Variants in KIAA0513 observed in about 807,000 individuals in gnomAD.
KIAA0513 encodes the protein uncharacterized protein KIAA0513.
KIAA0513 carries 39 observed loss-of-function variants against 56.5 expected under a neutral mutation model. The observed-to-expected ratio is 0.69, with a 90% confidence interval of 0.53 to 0.90. KIAA0513 has a LOEUF of 0.90. Ranked by LOEUF, KIAA0513 falls within the 40% of genes least tolerant of loss-of-function variation. The pLI is 0.00. For missense variants in KIAA0513, 591 were observed against 535.2 expected (o/e 1.10, Z -1.03); for synonymous variants, 268 against 215.6 (o/e 1.24, Z -2.13).
In KIAA0513 at chr16:85,077,432, A is replaced by G; in HGVS notation, c.582A>G (p.Pro194=). 6.2e-7 allele frequency: 1 copy of G among 1,613,938 alleles called. No individual in the cohort carries two copies. Among genetic ancestry groups the G allele is most frequent in the Non-Finnish European group, 8.5e-7 (1 of 1,179,940 alleles). The change falls in exon 6 of 13, where the codon CCA becomes CCG. Residue 194 remains proline, a synonymous_variant. Coordinates refer to ENST00000683363, the MANE Select transcript of KIAA0513 (RefSeq NM_001388359.1). The part of the protein sequence containing the change: ...MCFTYYHIGK[P]QLLPPESREK... Reference sequence around the variant, plus strand: ...TTCCCTCTCTCATCCAAGGAAAACCACAGCTGCTGCCCCCGGAGTCCCGGG... The same window carrying G: ...TTCCCTCTCTCATCCAAGGAAAACCGCAGCTGCTGCCCCCGGAGTCCCGGG...
At chr16:85,036,861 T>C (rs559882435) in intron 1 of KIAA0513, among the ~76,000 whole-genome samples, 1 of 152,300 alleles carries the variant, frequency 6.6e-6, no homozygotes, top group South Asian at 2.1e-4. Flanking sequence ...AGGAAAGCCA[T>C]GCAGCGGCAG....
At chr16:85,085,131 CG>C (rs2073793765) in intron 10 of KIAA0513, among the ~76,000 whole-genome samples, 1 of 152,104 alleles carries the variant, frequency 6.6e-6, no homozygotes, top group African/African-American at 2.4e-5. Context: ...GCGAGGGGTG[CG>C]GGGGTTTATG....
At chr16:85,047,034 G>A (rs1038482559) in intron 1 of KIAA0513, among the ~76,000 whole-genome samples, 6 of 152,236 alleles carry the variant, frequency 3.9e-5, no homozygotes, top group African/African-American at 1.4e-4. Context: ...ATTACGTTAG[G>A]AAGCTGTGGT....
At chr16:85,075,964 A>G in intron 5 of KIAA0513, 50 bp downstream of exon 5, 1 of 1,389,704 alleles carries the variant, frequency 7.2e-7, no homozygotes, top group Non-Finnish European at 1.0e-6. Flanking sequence ...TAGTCTGCTG[A>G]TAATATGGTG....
At chr16:85,052,990 C>T (rs147462364) in intron 1 of KIAA0513, among the ~76,000 whole-genome samples, 199 of 152,210 alleles carry the variant, frequency 1.3e-3, no homozygotes, top group Non-Finnish European at 2.4e-3. Context: ...CAGGTTCAAG[C>T]GATTCTCTTG....
At chr16:85,055,773 T>G (rs2073320172) in intron 1 of KIAA0513, among the ~76,000 whole-genome samples, 1 of 152,226 alleles carries the variant, frequency 6.6e-6, no homozygotes, top group Non-Finnish European at 1.5e-5. Context: ...CCTGTTATCT[T>G]GGTTTTTTCG....
At chr16:85,085,606 C>T (rs942314377) in intron 10 of KIAA0513, among the ~76,000 whole-genome samples, 5 of 152,186 alleles carry the variant, frequency 3.3e-5, no homozygotes. Context: ...GACGTGGTGT[C>T]CAGGGAGTTG....
intron 1 of KIAA0513, among the ~76,000 whole-genome samples, chr16:85,043,861 C>G (rs1281153982): frequency 6.6e-6 from 1 of 152,094 alleles, no homozygotes; most frequent in African/African-American, 2.4e-5. Context: ...GGAGAAACCC[C>G]ATCTCTACTA....
chr16:85,039,375 T>G (rs1446021395), intron 1 of KIAA0513, among the ~76,000 whole-genome samples: 1 of 152,214 alleles, frequency 6.6e-6, no homozygotes, highest in Non-Finnish European at 1.5e-5. Flanking sequence ...CGATCAGGGC[T>G]CCCTGCAGCC....
At position 85,077,625 on chromosome 16, in the gene KIAA0513, A is replaced by T. The variant is rs774024652; in HGVS notation, c.775A>T (p.Arg259Trp). 3.7e-6 allele frequency: 6 copies of T among 1,609,894 alleles called. No individual in the cohort carries two copies. The Admixed American group carries it at 6.7e-5, about 18-fold the overall frequency. ...CAAGCTGAAGGGGCCCCTGGCCAGGAGGAACGAGTACGTGTGGCCTTGGGG... is the reference window on the plus strand; with the variant it reads ...CAAGCTGAAGGGGCCCCTGGCCAGGTGGAACGAGTACGTGTGGCCTTGGGG... ...ETKLKGPLAR[R>W]NEEDENKPQE... Residue 259 changes from arginine (R) to tryptophan (W), a missense_variant, in exon 6 of 13, where the codon AGG becomes TGG. Coordinates refer to ENST00000683363, the MANE Select transcript of KIAA0513 (RefSeq NM_001388359.1).
In KIAA0513 at chr16:85,063,848, G is replaced by A. The variant is rs141306389; in HGVS notation, c.-172-3052G>A. On this transcript the variant is annotated intron_variant, in intron 1 of 12. Transcript: ENST00000683363. The stretch of plus-strand genomic sequence containing the variant: ...TTCAGTATTCGCAGGCCTCTGAACA[G>A]GGGGTGGCAAGCAGGAGCACTCAGT... Among the ~76,000 whole-genome samples the A allele has an allele frequency of 2.3e-3, 352 of 152,084 alleles. 3 individuals are homozygous for A. The highest frequency in any genetic ancestry group is 7.3e-3 in the African/African-American group (304 of 41,472).
In KIAA0513 at chr16:85,032,490, G is replaced by A. The variant is rs536080720; in HGVS notation, c.-173+4632G>A. ...TGGGATTACAGGTGTGTGCCACCAC[G>A]CCTGGCTAATTTTTGTATTTTTGGT... On this transcript the variant is annotated intron_variant, in intron 1 of 12. Transcript: ENST00000683363. Among the ~76,000 whole-genome samples, 10 of 151,092 alleles carry A rather than the reference G, an allele frequency of 6.6e-5. No homozygotes were observed. The South Asian group carries it at 1.7e-3, about 25-fold the overall frequency.
intron 1 of KIAA0513, among the ~76,000 whole-genome samples, chr16:85,055,880 A>T (rs2073321769): frequency 6.6e-6 from 1 of 152,202 alleles, no homozygotes; most frequent in African/African-American, 2.4e-5. Flanking sequence ...GCCTCCCAAC[A>T]AGCGTGGGCT....
intron 1 of KIAA0513, among the ~76,000 whole-genome samples, chr16:85,042,082 GT>G (rs1310025133): frequency 3.4e-4 from 52 of 152,290 alleles, no homozygotes; most frequent in Non-Finnish European, 6.6e-4. Flanking sequence ...GTGCACAGCT[GT>G]TTTGTTCCCA....
At position 85,038,944 on chromosome 16, in the gene KIAA0513, G is replaced by A. The variant is rs181445917; in HGVS notation, c.-173+11086G>A. Reference sequence around the variant, plus strand: ...TGGCCAGCGGCTACCACAGTGGGTAGCACAGCTCTGACCTGTTAGTGACGT... The same window carrying A: ...TGGCCAGCGGCTACCACAGTGGGTAACACAGCTCTGACCTGTTAGTGACGT... On this transcript the variant is annotated intron_variant, in intron 1 of 12. Coordinates refer to ENST00000683363, the MANE Select transcript of KIAA0513 (RefSeq NM_001388359.1). 3.3e-3 allele frequency among the ~76,000 whole-genome samples: 495 copies of A among 152,284 alleles called. 3 individuals are homozygous for A. Among genetic ancestry groups the A allele is most frequent in the Non-Finnish European group, 4.9e-3 (335 of 68,012 alleles).
At chr16:85,065,042 G>T (rs542735438) in intron 1 of KIAA0513, among the ~76,000 whole-genome samples, 1 of 152,326 alleles carries the variant, frequency 6.6e-6, no homozygotes, top group Non-Finnish European at 1.5e-5. Context: ...GTAGCTGTTA[G>T]AATATAGACT....
rs186292964 is a variant in KIAA0513 at position 85,093,454 on chromosome 16, G to A, written c.*5129G>A. 2 of 152,728 alleles carry A rather than the reference G, an allele frequency of 1.3e-5. No homozygotes were observed. Among genetic ancestry groups the A allele is most frequent in the East Asian group, 3.9e-4 (2 of 5,188 alleles). The allele number at this position is 152,728 out of a possible 1,614,324, so 9.5% of individuals were successfully genotyped here. A position where few individuals can be genotyped will look rare whatever the true frequency, so the allele number is the denominator to read the frequency against. The stretch of plus-strand genomic sequence containing the variant: ...ACCTGACAAAACAGTCAGAGCCTGA[G>A]TGCACTGCAGCCTGAACTCCCTTGA... On this transcript the variant is annotated 3_prime_UTR_variant, in exon 13 of 13. Coordinates refer to ENST00000683363, the MANE Select transcript of KIAA0513 (RefSeq NM_001388359.1).
intron 12 of KIAA0513, among the ~76,000 whole-genome samples, chr16:85,087,627 A>G (rs1432840963): frequency 2.0e-5 from 3 of 152,220 alleles, no homozygotes; most frequent in African/African-American, 7.2e-5. Context: ...CTTCTGTGAC[A>G]GCAGGGAGTT....
chr16:85,067,095 G>T lies in KIAA0513; in HGVS notation c.24G>T (p.Val8=), dbSNP rs766862529. The change falls in exon 2 of 13, where the codon GTG becomes GTT. Residue 8 remains valine (V), a synonymous_variant. Coordinates refer to ENST00000683363, the MANE Select transcript of KIAA0513 (RefSeq NM_001388359.1). METPEVP[V]GSLIDFGPEA... is the part of the protein sequence containing the mutation. ...CCATGGAGACCCCAGAGGTCCCCGT[G>T]GGCTCGCTAATCGACTTTGGGCCTG... 7 of 1,596,684 alleles carry T rather than the reference G, an allele frequency of 4.4e-6. 1 individual carries two copies. In the South Asian group the frequency reaches 5.6e-5, roughly 13 times the overall value.
Sources: gnomAD v4.1 joint callset for allele counts (sites outside exome capture counted in the v4.1 genomes callset) on GRCh38, gnomAD v4.1.1 for gene constraint, MANE v1.5 for transcripts, NCBI Gene and HGNC (gene_info 2026-07-23, HGNC 2026-07-21) for gene names.